Variants in AMBRA1 observed in about 807,000 individuals in gnomAD.
AMBRA1 encodes the protein activating molecule in BECN1-regulated autophagy protein 1.
Under a neutral mutation model 125.4 loss-of-function variants are expected in AMBRA1, and 47 were observed. That is an observed-to-expected ratio of 0.37 (90% CI 0.30 to 0.48). The LOEUF (loss-of-function observed/expected upper bound fraction) is 0.48. AMBRA1 is among the 20% of genes least tolerant of loss of function. The pLI is 0.99. For synonymous variants in AMBRA1, 626 were observed against 655.5 expected (o/e 0.95, Z 0.69); for missense variants, 1,331 against 1,693.4 (o/e 0.79, Z 3.76).
At chr11:46,545,578 C>CAATGCAG in intron 5 of AMBRA1, 26 bp downstream of exon 5, 1 of 1,610,068 alleles carries the variant, frequency 6.2e-7, no homozygotes, top group South Asian at 1.1e-5. Flanking sequence ...CTGTGCCAGA[C>CAATGCAG]AATGCAGATG....
intron 11 of AMBRA1, among the ~76,000 whole-genome samples, chr11:46,475,152 C>A (rs1399140157): frequency 6.6e-6 from 1 of 152,230 alleles, no homozygotes; most frequent in Non-Finnish European, 1.5e-5. Flanking sequence ...CAACTAACTT[C>A]AAACCCTAGT....
chr11:46,451,154 C>T (rs1313298912), intron 11 of AMBRA1, among the ~76,000 whole-genome samples: 1 of 152,046 alleles, frequency 6.6e-6, no homozygotes, highest in Non-Finnish European at 1.5e-5. Context: ...AGGCTTAGAG[C>T]AAAAGAAGAA....
intron 1 of AMBRA1, among the ~76,000 whole-genome samples, chr11:46,585,121 A>C (rs2044320708): frequency 6.6e-6 from 1 of 152,046 alleles, no homozygotes; most frequent in African/African-American, 2.4e-5. Flanking sequence ...GCGGTGCAAG[A>C]TGTGCTTTGT....
intron 9 of AMBRA1, among the ~76,000 whole-genome samples, chr11:46,507,176 CAAAA>C (rs59385965): frequency 3.2e-5 from 1 of 31,488 alleles, no homozygotes; most frequent in Admixed American, 3.5e-4. Flanking sequence ...GACTCCGTCT[CAAAA>C]AAAAAAAAAA....
At chr11:46,501,987 C>T (rs1950857785) in intron 9 of AMBRA1, among the ~76,000 whole-genome samples, 1 of 152,160 alleles carries the variant, frequency 6.6e-6, no homozygotes, top group Non-Finnish European at 1.5e-5. Context: ...ACTTACAGCT[C>T]TTTTCTAAGC....
chr11:46,570,751 T>A (rs887763760), intron 1 of AMBRA1, among the ~76,000 whole-genome samples: 1 of 152,030 alleles, frequency 6.6e-6, no homozygotes, highest in Non-Finnish European at 1.5e-5. Flanking sequence ...TATTAACACA[T>A]GACAACAGAA....
chr11:46,562,609 G>C (rs1368405227), intron 1 of AMBRA1, among the ~76,000 whole-genome samples: 1 of 152,188 alleles, frequency 6.6e-6, no homozygotes, highest in Non-Finnish European at 1.5e-5. Flanking sequence ...GTGGATAGTG[G>C]AGACACTTAT....
At chr11:46,550,724 C>T (rs748813324) in intron 1 of AMBRA1, among the ~76,000 whole-genome samples, 1 of 151,948 alleles carries the variant, frequency 6.6e-6, no homozygotes, top group Non-Finnish European at 1.5e-5. Flanking sequence ...CTGAGGATAA[C>T]CAAGTGTCCA....
intron 1 of AMBRA1, among the ~76,000 whole-genome samples, 190 bp downstream of exon 1, chr11:46,593,638 T>C (rs913306526): frequency 1.3e-5 from 2 of 152,038 alleles, no homozygotes; most frequent in African/African-American, 4.8e-5. Context: ...CCAGCAACTC[T>C]CCCTCCTTTC....
intron 11 of AMBRA1, among the ~76,000 whole-genome samples, chr11:46,447,715 GATAGATA>G: frequency 4.9e-3 from 2 of 408 alleles, no homozygotes; most frequent in South Asian, 0.14. Flanking sequence ...CTTGTAGATA[GATAGATA>G]GATAGATAGA....
rs1952764779 is a variant in AMBRA1 at position 46,541,949 on chromosome 11, T to C, written c.2068A>G (p.Arg690Gly). 8 of 1,607,690 alleles carry C rather than the reference T, an allele frequency of 5.0e-6. No individual in the cohort carries two copies. The highest frequency in any genetic ancestry group is 6.8e-6 in the Non-Finnish European group (8 of 1,178,466). The change falls in exon 7 of 18, where the codon AGG becomes GGG. Residue 690 changes from arginine (R) to glycine (G), a missense_variant. This residue lies in a region of AMBRA1 where 689 missense variants were observed against 776.5 expected (regional missense o/e 0.89). Transcript: ENST00000683756. ...GATAGGAAAGCGACTGCTTACCTCC[T>C]GAGTGAATCCTCCTCAGAGCTCTCC... ...PEESSEEDSL[R>G]RRLLESSLIS... is the part of the protein sequence containing the mutation.
At chr11:46,508,146 A>G in intron 9 of AMBRA1, 45 bp downstream of exon 9, 1 of 1,606,410 alleles carries the variant, frequency 6.2e-7, no homozygotes. Flanking sequence ...GAAGCACTCC[A>G]AGCTTGAGAG....
intron 9 of AMBRA1, among the ~76,000 whole-genome samples, chr11:46,497,208 T>A (rs181064996): frequency 1.1e-4 from 16 of 152,260 alleles, no homozygotes; most frequent in African/African-American, 3.9e-4. Context: ...CCAACATTTT[T>A]AAAAACTGAT....
intron 16 of AMBRA1, 144 bp downstream of exon 16, chr11:46,410,130 GAA>G: frequency 1.4e-6 from 1 of 699,900 alleles, no homozygotes; most frequent in Non-Finnish European, 2.5e-6. Flanking sequence ...TTTCTCAAAT[GAA>G]ACTGTACACA....
chr11:46,460,324 CTTTT>C (rs397847968), intron 11 of AMBRA1, among the ~76,000 whole-genome samples: 2 of 139,874 alleles, frequency 1.4e-5, no homozygotes, highest in Admixed American at 7.0e-5. Context: ...AAACACAACT[CTTTT>C]TTTTTTTTTT....
chr11:46,546,279 A>G (rs894425436), intron 4 of AMBRA1, among the ~76,000 whole-genome samples: 34 of 152,060 alleles, frequency 2.2e-4, no homozygotes, highest in Admixed American at 2.6e-4. Context: ...AACTCAAGCA[A>G]TCCTCCTGTC....
At chr11:46,523,776 C>T (rs1951855245) in intron 7 of AMBRA1, among the ~76,000 whole-genome samples, 1 of 152,208 alleles carries the variant, frequency 6.6e-6, no homozygotes, top group South Asian at 2.1e-4. Flanking sequence ...AGGCGTGACA[C>T]AAGACCACCA....
At chr11:46,563,322 G>A (rs533910818) in intron 1 of AMBRA1, among the ~76,000 whole-genome samples, 25 of 152,272 alleles carry the variant, frequency 1.6e-4, no homozygotes, top group African/African-American at 5.3e-4. Flanking sequence ...CTTCCCAGGA[G>A]TAAGTGATCT....
intron 11 of AMBRA1, among the ~76,000 whole-genome samples, chr11:46,445,078 A>C (rs1224245837): frequency 2.0e-5 from 3 of 151,852 alleles, no homozygotes; most frequent in Non-Finnish European, 1.5e-5. Context: ...AAACAAAAAA[A>C]AAAAAACAAA....
Sources: gnomAD v4.1 joint callset for allele counts (sites outside exome capture counted in the v4.1 genomes callset) on GRCh38, gnomAD v4.1.1 for gene constraint, gnomAD v4.1.1 regional missense constraint, MANE v1.5 for transcripts, NCBI Gene and HGNC (gene_info 2026-07-23, HGNC 2026-07-21) for gene names.